Variants in RBMS3 observed in about 807,000 individuals in gnomAD.
RBMS3 encodes the protein RNA-binding motif, single-stranded-interacting protein 3.
RBMS3 carries 27 observed loss-of-function variants against 66.8 expected under a neutral mutation model. The observed-to-expected ratio is 0.40, with a 90% CI of 0.30 to 0.56. The LOEUF is 0.56. RBMS3 is among the 20% of genes least tolerant of loss of function. RBMS3 has a pLI of 0.40. For missense variants in RBMS3, 513 were observed against 549.5 expected, an observed-to-expected ratio of 0.93 and a Z score of 0.66; for synonymous variants, 188 against 183.0, an observed-to-expected ratio of 1.03 and a Z score of -0.22.
intron 14 of RBMS3, among the ~76,000 whole-genome samples, chr3:29,991,878 A>C (rs980183871): frequency 6.6e-6 from 1 of 152,208 alleles, no homozygotes; most frequent in African/African-American, 2.4e-5. Context: ...TAAGATATGA[A>C]GCAATATAAA....
intron 14 of RBMS3, chr3:29,991,805 TA>T (rs2149803530): frequency 6.6e-6 from 1 of 152,402 alleles, no homozygotes; most frequent in South Asian, 2.1e-4. Context: ...AGGAAGACAG[TA>T]ACACTCCCCC....
chr3:29,417,850 A>T (rs756976427), intron 1 of RBMS3, among the ~76,000 whole-genome samples: 19 of 152,296 alleles, frequency 1.2e-4, no homozygotes, highest in Admixed American at 5.2e-4. Context: ...TCTACTGACA[A>T]GGAAAGGAAT....
intron 12 of RBMS3, among the ~76,000 whole-genome samples, chr3:29,956,388 C>T (rs1019110959): frequency 6.6e-6 from 1 of 152,064 alleles, no homozygotes; most frequent in African/African-American, 2.4e-5. Flanking sequence ...GAGATATTTG[C>T]ACATTCCTCG....
intron 4 of RBMS3, among the ~76,000 whole-genome samples, chr3:29,701,844 C>T (rs57440180): frequency 0.028 from 4,248 of 151,796 alleles, 85 homozygotes; most frequent in Admixed American, 0.064. Flanking sequence ...TGCGCGCAGC[C>T]GGAGTCTCAC....
At chr3:29,763,329 A>G (rs2055776442) in intron 6 of RBMS3, among the ~76,000 whole-genome samples, 1 of 152,110 alleles carries the variant, frequency 6.6e-6, no homozygotes, top group African/African-American at 2.4e-5. Flanking sequence ...ATATCCAAAC[A>G]ATGATATTCA....
intron 6 of RBMS3, among the ~76,000 whole-genome samples, chr3:29,859,437 A>G (rs1368880368): frequency 6.6e-6 from 1 of 152,236 alleles, no homozygotes; most frequent in Non-Finnish European, 1.5e-5. Context: ...AGTTGGAGAA[A>G]GCGTTCACTT....
chr3:29,346,396 C>CTTTTTTTTTTTTTT (rs34803214), intron 1 of RBMS3, among the ~76,000 whole-genome samples: 3 of 59,996 alleles, frequency 5.0e-5, no homozygotes, highest in African/African-American at 1.4e-4. Context: ...GCAATTCATT[C>CTTTTTTTTTTTTTT]TTTTTTTTTT....
At chr3:29,804,355 T>C (rs746229120) in intron 6 of RBMS3, among the ~76,000 whole-genome samples, 3 of 152,024 alleles carry the variant, frequency 2.0e-5, no homozygotes, top group Non-Finnish European at 4.4e-5. Context: ...TAGGCCCAAA[T>C]AATTTATAAT....
At chr3:29,339,274 A>G (rs2125533642) in intron 1 of RBMS3, among the ~76,000 whole-genome samples, 1 of 152,318 alleles carries the variant, frequency 6.6e-6, no homozygotes, top group East Asian at 1.9e-4. Flanking sequence ...CTGAAGACAG[A>G]CCAAGACAAA....
intron 10 of RBMS3, among the ~76,000 whole-genome samples, chr3:29,920,020 CT>C (rs968889463): frequency 6.0e-5 from 9 of 150,940 alleles, no homozygotes; most frequent in Admixed American, 2.0e-4. Context: ...GATCTCTCTA[CT>C]TTTTTTTTAA....
chr3:29,489,992 G>A (rs556399225), intron 3 of RBMS3, among the ~76,000 whole-genome samples: 11 of 141,774 alleles, frequency 7.8e-5, no homozygotes, highest in Admixed American at 2.2e-4. Flanking sequence ...GCAGTGAGCC[G>A]AGATTGCGTC....
intron 10 of RBMS3, among the ~76,000 whole-genome samples, chr3:29,917,317 T>A (rs111996921): frequency 1.3e-5 from 2 of 152,122 alleles, no homozygotes; most frequent in Non-Finnish European, 2.9e-5. Context: ...CATCTTTTCT[T>A]CCCACTTGGC....
chr3:29,296,896 C>T lies in RBMS3; in HGVS notation c.75+15140C>T, dbSNP rs1487208377. On this transcript the variant is annotated intron_variant, in intron 1 of 14. Transcript: ENST00000383767. The stretch of plus-strand genomic sequence containing the variant: ...AAGATGACCTTTTTTTTTTTAAACA[C>T]TTTAGTCAAATTAGCATTTTTTTTT... 2.0e-5 allele frequency among the ~76,000 whole-genome samples: 3 copies of T among 150,524 alleles called. No homozygotes were observed. The East Asian group carries it at 5.9e-4, about 30-fold the overall frequency.
chr3:29,517,158 C>T (rs537857688), intron 3 of RBMS3, among the ~76,000 whole-genome samples: 1 of 151,754 alleles, frequency 6.6e-6, no homozygotes, highest in African/African-American at 2.4e-5. Flanking sequence ...GGCTGCAGAG[C>T]GTTTTGGTTG....
chr3:29,685,265 G>T (rs905397685), intron 4 of RBMS3, among the ~76,000 whole-genome samples: 1 of 152,094 alleles, frequency 6.6e-6, no homozygotes, highest in Admixed American at 6.6e-5. Flanking sequence ...GTTTCACCAT[G>T]TTAGCCAGGA....
intron 3 of RBMS3, among the ~76,000 whole-genome samples, chr3:29,488,755 C>G (rs1390612818): frequency 6.6e-6 from 1 of 152,140 alleles, no homozygotes; most frequent in Non-Finnish European, 1.5e-5. Context: ...AAATTACCTC[C>G]TAACAACTTT....
At chr3:29,676,176 C>A (rs2051240290) in intron 4 of RBMS3, among the ~76,000 whole-genome samples, 1 of 152,038 alleles carries the variant, frequency 6.6e-6, no homozygotes, top group Non-Finnish European at 1.5e-5. Flanking sequence ...ATTGCAAGGA[C>A]AGAAAACCAA....
At chr3:29,322,304 C>T (rs1478553870) in intron 1 of RBMS3, among the ~76,000 whole-genome samples, 1 of 151,850 alleles carries the variant, frequency 6.6e-6, no homozygotes, top group African/African-American at 2.4e-5. Context: ...AAAATGTTGT[C>T]TGTGTTTTTT....
At chr3:29,351,283 T>C (rs1027505012) in intron 1 of RBMS3, among the ~76,000 whole-genome samples, 4 of 152,088 alleles carry the variant, frequency 2.6e-5, no homozygotes, top group Non-Finnish European at 4.4e-5. Context: ...TCTCTAAGAG[T>C]TGCTGTATTA....
Sources: allele counts gnomAD v4.1 joint callset (sites outside exome capture counted in the v4.1 genomes callset), GRCh38; gene constraint gnomAD v4.1.1; transcripts MANE v1.5; gene names NCBI Gene and HGNC (gene_info 2026-07-23, HGNC 2026-07-21).